The following TCERG1L variants were observed in gnomAD, a reference collection of about 807,000 sequenced individuals.
TCERG1L encodes transcription elongation regulator 1 like, also known as transcription elongation regulator 1-like protein.
In TCERG1L, 37 loss-of-function variants were observed where a neutral mutation model predicts 56.3. That is an observed-to-expected ratio of 0.66 (90% CI 0.51 to 0.87). The LOEUF is 0.87. Among genes scored for constraint, TCERG1L ranks in the 40% least tolerant of loss-of-function variants. TCERG1L has a pLI of 0.00. For synonymous variants in TCERG1L, 324 were observed against 326.3 expected, an observed-to-expected ratio of 0.99 and a Z score of 0.08; for missense variants, 799 against 774.2, an observed-to-expected ratio of 1.03 and a Z score of -0.38.
At chr10:131,181,343 T>C (rs537966664) in intron 4 of TCERG1L, among the ~76,000 whole-genome samples, 3 of 152,210 alleles carry the variant, frequency 2.0e-5, no homozygotes, top group Non-Finnish European at 2.9e-5. Context: ...CGGGGGTGTC[T>C]GTGCTCAGCA....
At chr10:131,240,295 C>A (rs763626126) in intron 4 of TCERG1L, among the ~76,000 whole-genome samples, 5 of 152,212 alleles carry the variant, frequency 3.3e-5, no homozygotes, top group Non-Finnish European at 7.3e-5. Flanking sequence ...CCAGCCACTG[C>A]ATTATCCACA....
intron 3 of TCERG1L, among the ~76,000 whole-genome samples, chr10:131,273,919 C>G (rs1846366832): frequency 1.3e-5 from 2 of 152,182 alleles, no homozygotes; most frequent in African/African-American, 2.4e-5. Context: ...AAACTATTCC[C>G]CCGTGAAAAG....
chr10:131,112,164 A>G (rs1158488603), intron 9 of TCERG1L, among the ~76,000 whole-genome samples: 1 of 142,198 alleles, frequency 7.0e-6, no homozygotes, highest in Admixed American at 6.9e-5. Flanking sequence ...GGGTTCAAAA[A>G]TCTCCCTGGG....
chr10:131,244,392 C>T (rs1229253935), intron 4 of TCERG1L, among the ~76,000 whole-genome samples: 2 of 152,158 alleles, frequency 1.3e-5, no homozygotes, highest in East Asian at 1.9e-4. Context: ...GGGAGGTTTA[C>T]GTTCAGAACA....
Position 131,290,107 on chromosome 10 carries a change from TGTGTGCACTGCTGTGTGTGAGCAG to T in TCERG1L, c.670+18080_670+18103del, listed in dbSNP as rs1404769873. On this transcript the variant is annotated intron_variant, in intron 3 of 11. Transcript: ENST00000368642. ...CATCTCCTATCGGTGTGTGTGTGTATGTGTGCACTGCTGTGTGTGAGCAGGTGTGCACTGCCTCCATCTCCTATC... is the reference window on the plus strand; with the variant it reads ...CATCTCCTATCGGTGTGTGTGTGTATGTGTGCACTGCCTCCATCTCCTATC... Among the ~76,000 whole-genome samples the T allele has an allele frequency of 4.3e-5, 4 of 93,878 alleles. 1 individual carries two copies. Among genetic ancestry groups the T allele is most frequent in the African/African-American group, 1.5e-4 (4 of 26,406 alleles). The allele number at this position is 93,878 out of a possible 152,430, so 61.6% of individuals were successfully genotyped here.
At chr10:131,160,156 C>T (rs1845962190) in intron 6 of TCERG1L, among the ~76,000 whole-genome samples, 1 of 152,188 alleles carries the variant, frequency 6.6e-6, no homozygotes, top group African/African-American at 2.4e-5. Context: ...CTTCTCCGTC[C>T]ACTCAAAGGT....
intron 3 of TCERG1L, among the ~76,000 whole-genome samples, chr10:131,266,757 CAG>C (rs1368817169): frequency 6.6e-6 from 1 of 152,126 alleles, no homozygotes; most frequent in Non-Finnish European, 1.5e-5. Context: ...TAGTTCTCAG[CAG>C]AGAGGAGGCC....
intron 4 of TCERG1L, among the ~76,000 whole-genome samples, chr10:131,168,960 A>C (rs955177412): frequency 2.6e-5 from 4 of 152,200 alleles, no homozygotes; most frequent in Admixed American, 6.5e-5. Context: ...TGGGGAAGGG[A>C]CTATCGGCTT....
chr10:131,117,352 C>A lies in TCERG1L; in HGVS notation c.1260-418G>T, dbSNP rs533520793. ...AGGGGTAAGGAGCAGGCTTTTCATC[C>A]GAACAATCATTTCACTCACTCATCG... On this transcript the variant is annotated intron_variant, in intron 8 of 11. Transcript: ENST00000368642. 3.3e-5 allele frequency among the ~76,000 whole-genome samples: 5 copies of A among 152,336 alleles called. No homozygotes were observed. In the South Asian group the frequency reaches 6.2e-4, roughly 19 times the overall value.
chr10:131,182,995 AT>A (rs1317752175), intron 4 of TCERG1L, among the ~76,000 whole-genome samples: 8 of 152,210 alleles, frequency 5.3e-5, no homozygotes, highest in Non-Finnish European at 1.0e-4. Flanking sequence ...TGCAGTGCTT[AT>A]GGCATTGATT....
intron 6 of TCERG1L, among the ~76,000 whole-genome samples, chr10:131,151,436 C>T (rs981402529): frequency 1.3e-5 from 2 of 152,112 alleles, no homozygotes; most frequent in Admixed American, 6.5e-5. Context: ...AGTCATTAAG[C>T]CTTAAATTTC....
intron 6 of TCERG1L, among the ~76,000 whole-genome samples, chr10:131,151,254 A>C (rs1367444201): frequency 6.6e-6 from 1 of 152,226 alleles, no homozygotes; most frequent in African/African-American, 2.4e-5. Flanking sequence ...GTCTCATCTG[A>C]GACAAAGCAT....
intron 3 of TCERG1L, among the ~76,000 whole-genome samples, chr10:131,298,212 CT>C (rs1184091533): frequency 6.6e-6 from 1 of 150,730 alleles, no homozygotes; most frequent in Non-Finnish European, 1.5e-5. Context: ...TCCCACAAGA[CT>C]TTTTTTGTGA....
intron 3 of TCERG1L, among the ~76,000 whole-genome samples, chr10:131,273,830 G>A (rs1846365824): frequency 6.6e-6 from 1 of 152,186 alleles, no homozygotes; most frequent in South Asian, 2.1e-4. Flanking sequence ...GCTGGCAAGT[G>A]GATGCCGGGA....
chr10:131,252,697 C>T (rs929175333), intron 4 of TCERG1L, among the ~76,000 whole-genome samples: 1 of 152,200 alleles, frequency 6.6e-6, no homozygotes, highest in Non-Finnish European at 1.5e-5. Context: ...CTGACAGCCA[C>T]CCACCATGGA....
intron 3 of TCERG1L, among the ~76,000 whole-genome samples, chr10:131,295,041 T>C (rs1846675518): frequency 6.6e-6 from 1 of 152,076 alleles, no homozygotes; most frequent in Non-Finnish European, 1.5e-5. Flanking sequence ...GTTCTTATAG[T>C]TTTGCTTTGC....
intron 4 of TCERG1L, among the ~76,000 whole-genome samples, chr10:131,219,955 C>T (rs935797500): frequency 3.9e-5 from 6 of 152,122 alleles, no homozygotes; most frequent in Non-Finnish European, 4.4e-5. Flanking sequence ...CCTACCAAAG[C>T]GCGTAGAACA....
intron 4 of TCERG1L, among the ~76,000 whole-genome samples, chr10:131,208,313 C>T (rs1845567411): frequency 6.6e-6 from 1 of 152,186 alleles, no homozygotes; most frequent in Non-Finnish European, 1.5e-5. Flanking sequence ...CTGTGTCACC[C>T]TCTGGCCACA....
chr10:131,134,893 C>A (rs1348204708), intron 7 of TCERG1L, among the ~76,000 whole-genome samples: 2 of 152,154 alleles, frequency 1.3e-5, no homozygotes, highest in African/African-American at 4.8e-5. Flanking sequence ...CAGCTCCTCT[C>A]CATCCACTGC....
Sources: gnomAD v4.1 joint callset for allele counts (sites outside exome capture counted in the v4.1 genomes callset) on GRCh38, gnomAD v4.1.1 for gene constraint, MANE v1.5 for transcripts, NCBI Gene and HGNC (gene_info 2026-07-23, HGNC 2026-07-21) for gene names.